Variants in FER1L6 observed in about 807,000 individuals in gnomAD.
The protein encoded by FER1L6 is fer-1 like family member 6.
In FER1L6, 177 loss-of-function variants were observed where a neutral mutation model predicts 219.2. The ratio of observed to expected loss-of-function variants is 0.81; its 90% CI spans 0.71 to 0.91. FER1L6 has a LOEUF of 0.91. Ranked by LOEUF, FER1L6 falls within the 40% of genes least tolerant of loss-of-function variation. The pLI is 0.00. For synonymous variants in FER1L6, 768 were observed against 824.3 expected (o/e 0.93, Z 1.17); for missense variants, 2,153 against 2,259.9 (o/e 0.95, Z 0.96).
chr8:123,986,251 C>A, intron 12 of FER1L6, 75 bp downstream of exon 12: 1 of 896,134 alleles, frequency 1.1e-6, no homozygotes, highest in Admixed American at 2.1e-5. Flanking sequence ...TGAGTTAGTG[C>A]CTTACATGAA....
chr8:124,060,458 G>A (rs1432612729), intron 23 of FER1L6, 90 bp from the exon 24 acceptor site: 9 of 1,539,450 alleles, frequency 5.8e-6, no homozygotes, highest in African/African-American at 2.7e-5. Context: ...GGTTCTCAGG[G>A]AGCAGGTCTA....
intron 10 of FER1L6, among the ~76,000 whole-genome samples, chr8:123,979,269 T>C (rs570709999): frequency 6.6e-6 from 1 of 152,214 alleles, no homozygotes; most frequent in Non-Finnish European, 1.5e-5. Flanking sequence ...AGCACTCAAT[T>C]GATAGTTTCT....
At chr8:123,902,054 C>T (rs763516933) in intron 1 of FER1L6, among the ~76,000 whole-genome samples, 61 of 152,036 alleles carry the variant, frequency 4.0e-4, no homozygotes, top group Non-Finnish European at 7.5e-4. Context: ...ATCTTGATTT[C>T]GTTTTTGACC....
Position 124,069,433 on chromosome 8 carries a change from G to A in FER1L6, c.3792G>A (p.Lys1264=). ...PKKKKDKMLK[K]KPKDDGIPNL... is the part of the protein sequence containing the mutation. The stretch of plus-strand genomic sequence containing the variant: ...AGAAGAAAGACAAAATGCTCAAGAA[G>A]AAACCCAAAGATGATGGAATCCCCA... The change falls in exon 29 of 41, where the codon AAG becomes AAA. Residue 1264 remains lysine, a synonymous_variant. Transcript: ENST00000522917. 1 of 1,611,722 alleles carries A rather than the reference G, an allele frequency of 6.2e-7. No individual in the cohort carries two copies. The highest frequency in any genetic ancestry group is 2.2e-5 in the East Asian group (1 of 44,540).
intron 1 of FER1L6, among the ~76,000 whole-genome samples, chr8:123,868,172 T>C (rs952394869): frequency 6.6e-6 from 1 of 152,166 alleles, no homozygotes; most frequent in Non-Finnish European, 1.5e-5. Flanking sequence ...TGGGAACATA[T>C]CTGGGTAGGT....
intron 1 of FER1L6, among the ~76,000 whole-genome samples, chr8:123,858,154 C>G (rs536875585): frequency 3.3e-5 from 5 of 152,262 alleles, no homozygotes; most frequent in African/African-American, 1.2e-4. Context: ...TAACCAGGTT[C>G]CTTTAAATGA....
At chr8:123,893,106 G>A (rs1812680621) in intron 1 of FER1L6, among the ~76,000 whole-genome samples, 1 of 152,268 alleles carries the variant, frequency 6.6e-6, no homozygotes, top group African/African-American at 2.4e-5. Context: ...TGGGTCATTG[G>A]TTATGGCTGT....
Position 124,017,623 on chromosome 8 carries a change from T to C in FER1L6, c.1923-5T>C. 6.2e-7 allele frequency: 1 copy of C among 1,605,514 alleles called. No homozygotes were observed. The highest frequency in any genetic ancestry group is 8.5e-7 in the Non-Finnish European group (1 of 1,173,728). ...GGTTTCAAAATTGTTATTCTTTTCT[T>C]ATAGTGCCTTTATCTCTGAAGCAGA... On this transcript the variant is annotated splice_region_variant and splice_polypyrimidine_tract_variant and intron_variant, in intron 15 of 40. Transcript: ENST00000522917.
At position 123,902,121 on chromosome 8, in the gene FER1L6, G is replaced by T. The variant is rs189794858; in HGVS notation, c.-8+49936G>T. Among the ~76,000 whole-genome samples, 221 of 152,238 alleles carry T rather than the reference G, an allele frequency of 1.5e-3. 2 individuals are homozygous for T. Among genetic ancestry groups the T allele is most frequent in the Middle Eastern group, 3.4e-3 (1 of 294 alleles). On this transcript the variant is annotated intron_variant, in intron 1 of 40. Transcript: ENST00000522917. ...TCCATATATTTGGATGATTTTGAAG[G>T]TTACTTTTGGAGATGATTTCCAGTT...
chr8:124,009,196 C>T (rs1430136362), intron 13 of FER1L6, among the ~76,000 whole-genome samples: 1 of 152,190 alleles, frequency 6.6e-6, no homozygotes, highest in Non-Finnish European at 1.5e-5. Context: ...TGTTTTCCCT[C>T]TCTCATTTAA....
chr8:124,050,413 G>A (rs1014029824), intron 22 of FER1L6, among the ~76,000 whole-genome samples: 7 of 152,162 alleles, frequency 4.6e-5, no homozygotes, highest in African/African-American at 1.4e-4. Context: ...AAGAGAAGCT[G>A]AGTCCCTGCA....
At chr8:123,926,096 G>A (rs1813553123) in intron 1 of FER1L6, among the ~76,000 whole-genome samples, 1 of 152,172 alleles carries the variant, frequency 6.6e-6, no homozygotes, top group South Asian at 2.1e-4. Context: ...ATAAAAAAAT[G>A]CAGTGTAAAT....
chr8:124,069,331 G>C (rs371710858), intron 28 of FER1L6, 29 bp from the exon 29 acceptor site: 2 of 1,544,656 alleles, frequency 1.3e-6, no homozygotes, highest in African/African-American at 2.7e-5. Context: ...ACCGCCATGA[G>C]AAACCTAATT....
intron 2 of FER1L6, among the ~76,000 whole-genome samples, chr8:123,961,782 G>A (rs1815289405): frequency 6.6e-6 from 1 of 151,818 alleles, no homozygotes; most frequent in Admixed American, 6.6e-5. Flanking sequence ...GGCCCTATAT[G>A]TAAAAAGATC....
intron 1 of FER1L6, among the ~76,000 whole-genome samples, chr8:123,858,970 T>C (rs192667634): frequency 6.6e-6 from 1 of 152,118 alleles, no homozygotes; most frequent in Admixed American, 6.6e-5. Flanking sequence ...TGTGCATATA[T>C]GTAGAGGACA....
chr8:123,994,839 A>G (rs1276443566), intron 12 of FER1L6, among the ~76,000 whole-genome samples: 1 of 152,256 alleles, frequency 6.6e-6, no homozygotes, highest in Non-Finnish European at 1.5e-5. Flanking sequence ...AGGTAGGATC[A>G]GGAATGGCTT....
intron 1 of FER1L6, among the ~76,000 whole-genome samples, chr8:123,880,454 T>C (rs1416379347): frequency 1.3e-5 from 2 of 152,196 alleles, no homozygotes; most frequent in African/African-American, 4.8e-5. Flanking sequence ...GGACAAGCAG[T>C]GATGGAAGCT....
intron 1 of FER1L6, among the ~76,000 whole-genome samples, chr8:123,932,598 A>G (rs1227802690): frequency 1.3e-5 from 2 of 152,220 alleles, no homozygotes; most frequent in Non-Finnish European, 2.9e-5. Flanking sequence ...CAAATTAGCC[A>G]AAGCAGGAAT....
At chr8:124,003,451 CTTTTTTTTTTTTTTTTTTTT>C in intron 13 of FER1L6, 104 bp downstream of exon 13, 1 of 111,124 alleles carries the variant, frequency 9.0e-6, no homozygotes, top group Non-Finnish European at 1.7e-5. Context: ...CAGAAATGTC[CTTTTTTTTTTTTTTTTTTTT>C]TTTTTTTTTT....
Sources: gnomAD v4.1 joint callset for allele counts (sites outside exome capture counted in the v4.1 genomes callset) on GRCh38, gnomAD v4.1.1 for gene constraint, MANE v1.5 for transcripts, NCBI Gene and HGNC (gene_info 2026-07-23, HGNC 2026-07-21) for gene names.